GAD2: variants seen among roughly 807,000 people sequenced by gnomAD.
GAD2 encodes the protein glutamate decarboxylase 2, also known as 65 kDa glutamic acid decarboxylase.
In GAD2, 22 loss-of-function variants were observed where a neutral mutation model predicts 80.1. The observed-to-expected ratio is 0.27, with a 90% CI of 0.20 to 0.39. GAD2 has a LOEUF of 0.39. GAD2 is among the 10% of genes least tolerant of loss of function. The pLI is 1.00. For synonymous variants in GAD2, 274 were observed against 256.9 expected, an observed-to-expected ratio of 1.07 and a Z score of -0.64; for missense variants, 624 against 738.4, an observed-to-expected ratio of 0.85 and a Z score of 1.80.
rs1834332979 is a variant in GAD2, at chr10:26,301,898, T to A, written c.*937T>A. On this transcript the variant is annotated 3_prime_UTR_variant, in exon 16 of 16. Coordinates refer to ENST00000376261, the MANE Select transcript of GAD2 (RefSeq NM_001134366.2). ...CTCTATTCTGCTTTCCAGTTCGGCC[T>A]GTTTTGAACAGAAGGTTGATGCTAG... 6.6e-6 allele frequency: 1 copy of A among 152,246 alleles called. No individual in the cohort carries two copies. Among genetic ancestry groups the A allele is most frequent in the Non-Finnish European group, 1.5e-5 (1 of 68,044 alleles). 9.4% of individuals were successfully genotyped at this position (152,246 alleles called of 1,614,324 possible).
rs570593861 is a variant in GAD2, at chr10:26,273,641, T to G, written c.1098T>G (p.Ala366=). The change falls in exon 11 of 16, where the codon GCT becomes GCG. Residue 366 remains alanine, a synonymous_variant. Coordinates refer to ENST00000376261, the MANE Select transcript of GAD2 (RefSeq NM_001134366.2). The part of the protein sequence containing the change: ...KYKIWMHVDA[A]WGGGLLMSRK... The stretch of plus-strand genomic sequence containing the variant: ...CTCATATGATTTTTTTTCAGGCAGC[T>G]TGGGGTGGGGGATTACTGATGTCCC... The G allele has an allele frequency of 2.0e-5, 32 of 1,613,182 alleles. No individual in the cohort carries two copies. The highest frequency in any genetic ancestry group is 2.7e-5 in the Non-Finnish European group (32 of 1,179,716).
intron 7 of GAD2, among the ~76,000 whole-genome samples, chr10:26,244,201 T>A (rs1844777882): frequency 6.6e-6 from 1 of 152,194 alleles, no homozygotes; most frequent in Non-Finnish European, 1.5e-5. Context: ...TCTCATTCAT[T>A]AGGATGACTG....
At chr10:26,292,065 G>A (rs916447641) in intron 13 of GAD2, among the ~76,000 whole-genome samples, 2 of 152,180 alleles carry the variant, frequency 1.3e-5, no homozygotes, top group African/African-American at 2.4e-5. Flanking sequence ...GCACGTTGGA[G>A]GGGAACTAAG....
chr10:26,297,108 G>T (rs756091957), intron 15 of GAD2, among the ~76,000 whole-genome samples: 2 of 151,996 alleles, frequency 1.3e-5, no homozygotes, highest in Non-Finnish European at 2.9e-5. Flanking sequence ...TCAGGACAGG[G>T]TTGGGACGGG....
chr10:26,250,877 CTTTTTTTT>C (rs1181428173), intron 8 of GAD2, among the ~76,000 whole-genome samples: 1 of 112,952 alleles, frequency 8.9e-6, no homozygotes, highest in East Asian at 2.6e-4. Flanking sequence ...GTTTTTTTTC[CTTTTTTTT>C]TTTTTTTTTT....
At chr10:26,224,042 C>T (rs1276134922) in intron 5 of GAD2, 65 bp downstream of exon 5, 6 of 1,149,638 alleles carry the variant, frequency 5.2e-6, no homozygotes, top group Non-Finnish European at 7.7e-6. Context: ...ATAGTCTTTA[C>T]ATCTTATGTG....
intron 7 of GAD2, among the ~76,000 whole-genome samples, chr10:26,241,944 C>A (rs971582518): frequency 5.3e-5 from 8 of 152,094 alleles, no homozygotes; most frequent in Non-Finnish European, 8.8e-5. Flanking sequence ...GTTGGCCTTG[C>A]AGATACTGTT....
chr10:26,216,757 C>G (rs1001405229), upstream of GAD2: 18 of 1,530,814 alleles, frequency 1.2e-5, no homozygotes, highest in Non-Finnish European at 1.5e-5. The surrounding 1 kb of genome is among the most constrained non-coding windows in gnomAD (Gnocchi z 4.7). Context: ...AAGCCCGAGG[C>G]AGCTCGCCCG....
intron 7 of GAD2, among the ~76,000 whole-genome samples, chr10:26,233,403 G>T (rs566159977): frequency 1.6e-4 from 24 of 152,114 alleles, no homozygotes; most frequent in African/African-American, 5.8e-4. Flanking sequence ...TCATCATCTC[G>T]TAGGGTTGGG....
At chr10:26,218,567 A>T (rs1429619630) in intron 3 of GAD2, among the ~76,000 whole-genome samples, 4 of 151,262 alleles carry the variant, frequency 2.6e-5, no homozygotes, top group African/African-American at 4.9e-5. Flanking sequence ...ACACACACAC[A>T]CACACACACA....
At position 26,217,903 on chromosome 10, in the gene GAD2, C is replaced by T. The variant is rs749733866; in HGVS notation, c.198C>T (p.Ala66=). The change falls in exon 3 of 16, where the codon GCC becomes GCT. Residue 66 remains alanine, a synonymous_variant. Coordinates refer to ENST00000376261, the MANE Select transcript of GAD2 (RefSeq NM_001134366.2). The surrounding 1 kb of genome is among the most constrained non-coding windows in gnomAD (Gnocchi z 4.9). ...GCGGCGGGAGCCAACCCCCGCGGGC[C>T]GCCGCCCGGAAGGCCGCCTGCGCCT... ...AESGGSQPPR[A]AARKAACACD... The T allele has an allele frequency of 8.1e-6, 13 of 1,609,566 alleles. No individual in the cohort carries two copies. The South Asian group carries it at 1.3e-4, about 16-fold the overall frequency.
At chr10:26,247,747 T>A (rs1229902863) in intron 8 of GAD2, among the ~76,000 whole-genome samples, 2 of 151,192 alleles carry the variant, frequency 1.3e-5, no homozygotes, top group African/African-American at 4.9e-5. Flanking sequence ...AATACAAAAA[T>A]TAGCCGGGGG....
At chr10:26,282,086 G>A (rs1845278631) in intron 12 of GAD2, among the ~76,000 whole-genome samples, 2 of 151,744 alleles carry the variant, frequency 1.3e-5, no homozygotes. Context: ...GGGAATACAG[G>A]CACCCGCCAC....
chr10:26,217,818 C>G lies in GAD2; in HGVS notation c.137-24C>G. The G allele has an allele frequency of 6.3e-7, 1 of 1,588,490 alleles. No individual in the cohort carries two copies. On this transcript the variant is annotated intron_variant, in intron 2 of 15. Coordinates refer to ENST00000376261, the MANE Select transcript of GAD2 (RefSeq NM_001134366.2). This position sits in a 1 kb window ranked among gnomAD's most constrained non-coding sequence, Gnocchi z 4.9. Reference sequence around the variant, plus strand: ...CGGGCCCGGCGGAGGATTGACGAGGCCCGCGTTCGGTGTCCTTACCCAGCC... The same window carrying G: ...CGGGCCCGGCGGAGGATTGACGAGGGCCGCGTTCGGTGTCCTTACCCAGCC...
chr10:26,219,908 G>A (rs1844431996), intron 4 of GAD2, among the ~76,000 whole-genome samples: 2 of 151,872 alleles, frequency 1.3e-5, no homozygotes, highest in Admixed American at 1.3e-4. Context: ...CCCAGCCACT[G>A]TATATGTGAG....
intron 7 of GAD2, among the ~76,000 whole-genome samples, chr10:26,239,404 G>A (rs1049557213): frequency 1.3e-5 from 2 of 152,300 alleles, no homozygotes; most frequent in East Asian, 3.9e-4. Flanking sequence ...CTTGCTTTTA[G>A]AATAGGCTTT....
intron 8 of GAD2, among the ~76,000 whole-genome samples, chr10:26,259,671 T>G (rs1211725213): frequency 6.6e-6 from 1 of 152,198 alleles, no homozygotes; most frequent in Admixed American, 6.5e-5. Context: ...TCTTACTCTG[T>G]TGATAGTATC....
chr10:26,273,279 T>C (rs1845158833), intron 10 of GAD2, among the ~76,000 whole-genome samples: 2 of 152,250 alleles, frequency 1.3e-5, no homozygotes, highest in Non-Finnish European at 2.9e-5. Flanking sequence ...TTAATGGCCC[T>C]CCTGCCCATC....
chr10:26,224,157 GT>G (rs1374125903), intron 5 of GAD2, among the ~76,000 whole-genome samples, 180 bp downstream of exon 5: 1 of 151,946 alleles, frequency 6.6e-6, no homozygotes, highest in African/African-American at 2.4e-5. Context: ...CATCTTCCAT[GT>G]AATCAAACTC....
Sources: gnomAD v4.1 joint callset for allele counts (sites outside exome capture counted in the v4.1 genomes callset) on GRCh38, gnomAD v4.1.1 for gene constraint, Gnocchi (gnomAD v3.1) non-coding constraint, MANE v1.5 for transcripts, NCBI Gene and HGNC (gene_info 2026-07-23, HGNC 2026-07-21) for gene names.